HABP2: variants seen among roughly 807,000 people sequenced by gnomAD.
The protein encoded by HABP2 is factor VII-activating protease.
A neutral mutation model predicts 66.5 loss-of-function variants in HABP2; 65 were observed. That is an observed-to-expected ratio of 0.98 (90% CI 0.80 to 1.20). The LOEUF (loss-of-function observed/expected upper bound fraction) is 1.20, where lower values mean the gene tolerates loss of function less well. Ranked by LOEUF, HABP2 falls within the 50% of genes most tolerant of loss-of-function variation. The pLI, the probability that HABP2 is intolerant of heterozygous loss-of-function variation, is 0.00. For missense variants in HABP2, 786 were observed against 691.0 expected, an observed-to-expected ratio of 1.14 and a Z score of -1.54; for synonymous variants, 263 against 253.9, an observed-to-expected ratio of 1.04 and a Z score of -0.34.
rs918524805 is a variant in HABP2 at position 113,589,153 on chromosome 10, A to G, written c.*784A>G. 1 of 1,231,176 alleles carries G rather than the reference A, an allele frequency of 8.1e-7. No homozygotes were observed. The highest frequency in any genetic ancestry group is 1.2e-6 in the Non-Finnish European group (1 of 849,014). The allele number at this position is 1,231,176 out of a possible 1,614,324, so 76.3% of individuals were successfully genotyped here. A position where few individuals can be genotyped will look rare whatever the true frequency, so the allele number is the denominator to read the frequency against. ...CACTCCCGGCCCCGGTTCCCACAGGACACGCTAAGAAGCACAGGGAGCATT... is the reference window on the plus strand; with the variant it reads ...CACTCCCGGCCCCGGTTCCCACAGGGCACGCTAAGAAGCACAGGGAGCATT... On this transcript the variant is annotated 3_prime_UTR_variant, in exon 13 of 13. Coordinates refer to ENST00000351270, the MANE Select transcript of HABP2 (RefSeq NM_004132.5).
At chr10:113,585,288 C>T (rs938007317) in intron 11 of HABP2, among the ~76,000 whole-genome samples, 3 of 152,176 alleles carry the variant, frequency 2.0e-5, no homozygotes, top group Non-Finnish European at 4.4e-5. Flanking sequence ...AATTATTTTG[C>T]TTTTCATAAA....
intron 11 of HABP2, among the ~76,000 whole-genome samples, chr10:113,585,124 T>C (rs562871558): frequency 6.6e-6 from 1 of 152,340 alleles, no homozygotes; most frequent in African/African-American, 2.4e-5. Context: ...TTGAGAAAGA[T>C]GTCTGGCTAA....
In HABP2 at chr10:113,578,076, CG is replaced by C; in HGVS notation, c.501del (p.His168IlefsTer22). Reference sequence around the variant, plus strand: ...CTGCCAGAATGGGGCTACCTGCTCCCGGCATAAGCGGAGATCCAAGTTCACC... The same window carrying C: ...CTGCCAGAATGGGGCTACCTGCTCCCGCATAAGCGGAGATCCAAGTTCACC... ...NPCQNGATCS[R>X]HKRRSKFTCA... On this transcript the variant is annotated frameshift_variant, in exon 6 of 13. Coordinates refer to ENST00000351270, the MANE Select transcript of HABP2 (RefSeq NM_004132.5). LOFTEE classifies it high-confidence loss of function. 6.2e-7 allele frequency: 1 copy of C among 1,614,060 alleles called. No individual in the cohort carries two copies. Among genetic ancestry groups the C allele is most frequent in the Non-Finnish European group, 8.5e-7 (1 of 1,179,932 alleles).
chr10:113,580,399 A>G (rs1279991065), intron 7 of HABP2, among the ~76,000 whole-genome samples, 196 bp from the exon 8 acceptor site: 1 of 152,204 alleles, frequency 6.6e-6, no homozygotes. Flanking sequence ...ATTTTCCTCT[A>G]GAAGAAAAGA....
In HABP2 at chr10:113,588,252, C is replaced by CGTCT; in HGVS notation, c.1567_1570dup (p.Tyr524CysfsTer35). On this transcript the variant is annotated frameshift_variant, in exon 13 of 13. Transcript: ENST00000351270. LOFTEE classifies it high-confidence loss of function. Reference sequence around the variant, plus strand: ...CCTGTGAGAAGGACGGCACCTACTACGTCTATGGGATAGTGAGCTGGGGCC... The same window carrying CGTCT: ...CCTGTGAGAAGGACGGCACCTACTACGTCTGTCTATGGGATAGTGAGCTGGGGCC... 1 of 1,613,316 alleles carries CGTCT rather than the reference C, an allele frequency of 6.2e-7. No homozygotes were observed. The highest frequency in any genetic ancestry group is 8.5e-7 in the Non-Finnish European group (1 of 1,179,552).
chr10:113,582,015 A>G lies in HABP2; in HGVS notation c.978A>G (p.Pro326=), dbSNP rs759888407. The G allele has an allele frequency of 6.2e-7, 1 of 1,614,212 alleles. No individual in the cohort carries two copies. The highest frequency in any genetic ancestry group is 8.5e-7 in the Non-Finnish European group (1 of 1,180,028). Residue 326 remains proline (P), a synonymous_variant, in exon 9 of 13, where the codon CCA becomes CCG. Coordinates refer to ENST00000351270, the MANE Select transcript of HABP2 (RefSeq NM_004132.5). ...GGFKSTAGKH[P]WQASLQSSLP... is the part of the protein sequence containing the mutation. ...TTAAGAGCACGGCGGGCAAGCACCC[A>G]TGGCAGGCGTCCCTCCAGTCCTCGC... is the stretch of plus-strand genomic sequence containing the variant.
chr10:113,553,141 A>G lies in HABP2; in HGVS notation c.20A>G (p.Asp7Gly). The part of the protein sequence containing the change: MFARMS[D>G]LHVLLLMALV... ...GCAAAGATGTTTGCCAGGATGTCTGATCTCCATGTTCTGCTGTTAATGGCT... is the reference window on the plus strand; with the variant it reads ...GCAAAGATGTTTGCCAGGATGTCTGGTCTCCATGTTCTGCTGTTAATGGCT... Residue 7 changes from aspartate to glycine, a missense_variant, in exon 1 of 13, where the codon GAT becomes GGT. Asp to Gly is a moderately conservative substitution (Grantham distance 94, BLOSUM62 -1). Coordinates refer to ENST00000351270, the MANE Select transcript of HABP2 (RefSeq NM_004132.5). 6.2e-7 allele frequency: 1 copy of G among 1,613,624 alleles called. No homozygotes were observed. Among genetic ancestry groups the G allele is most frequent in the Non-Finnish European group, 8.5e-7 (1 of 1,179,538 alleles).
intron 1 of HABP2, among the ~76,000 whole-genome samples, chr10:113,562,123 A>T: frequency 6.6e-6 from 1 of 152,188 alleles, no homozygotes; most frequent in East Asian, 1.9e-4. Context: ...CAGTCGTTGG[A>T]TCTAGAATGG....
At position 113,576,084 on chromosome 10, in the gene HABP2, A is replaced by G. The variant is rs911709; in HGVS notation, c.331+80A>G. 796,413 of 800,784 alleles carry G rather than the reference A, an allele frequency of 0.99. 396,096 individuals are homozygous for G. The highest frequency in any genetic ancestry group is 1 in the East Asian group (41,298 of 41,300). The allele number at this position is 800,784 out of a possible 1,614,324, so 49.6% of individuals were successfully genotyped here. A position where few individuals can be genotyped will look rare whatever the true frequency, so the allele number is the denominator to read the frequency against. ...CTTTCTGTGTGAGAAAGCACTGCGC[A>G]ATGCCATGGAAAGGATTATAACTGC... On this transcript the variant is annotated intron_variant, in intron 4 of 12. Transcript: ENST00000351270.
At chr10:113,565,978 T>C (rs963837740) in intron 1 of HABP2, among the ~76,000 whole-genome samples, 2 of 152,244 alleles carry the variant, frequency 1.3e-5, no homozygotes, top group Non-Finnish European at 2.9e-5. Context: ...CAGTACATCA[T>C]ATCAGGATGC....
intron 1 of HABP2, among the ~76,000 whole-genome samples, chr10:113,563,528 C>T (rs1329654855): frequency 6.6e-6 from 1 of 152,132 alleles, no homozygotes; most frequent in Non-Finnish European, 1.5e-5. Flanking sequence ...TGACAGGCAG[C>T]CCAAGCTGCA....
Position 113,577,926 on chromosome 10 carries a change from A to T in HABP2, c.449-100A>T, listed in dbSNP as rs11575683. 0.071 allele frequency: 99,677 copies of T among 1,412,120 alleles called. 4,461 individuals are homozygous for T. Among genetic ancestry groups the T allele is most frequent in the East Asian group, 0.24 (10,275 of 43,498 alleles). 87.5% of individuals were successfully genotyped at this position (1,412,120 alleles called of 1,614,324 possible). A position where few individuals can be genotyped will look rare whatever the true frequency, so the allele number is the denominator to read the frequency against. ...CTGGTGACCCATCTTTCGCGAAAGG[A>T]TGGACACCAGTAGAATGCCACCAAT... is the stretch of plus-strand genomic sequence containing the variant. On this transcript the variant is annotated intron_variant, in intron 5 of 12. Coordinates refer to ENST00000351270, the MANE Select transcript of HABP2 (RefSeq NM_004132.5).
At chr10:113,569,431 G>A (rs1226889252) in intron 2 of HABP2, among the ~76,000 whole-genome samples, 1 of 152,222 alleles carries the variant, frequency 6.6e-6, no homozygotes, top group Non-Finnish European at 1.5e-5. Context: ...TGCTTTGATG[G>A]TATTTGTCAG....
chr10:113,558,430 G>C (rs1891767), intron 1 of HABP2, among the ~76,000 whole-genome samples: 147,221 of 152,346 alleles, frequency 0.97, 71,210 homozygotes, highest in East Asian at 1. Context: ...CATGCTAAAG[G>C]TCTGAGCCTG....
chr10:113,574,491 C>G lies in HABP2; in HGVS notation c.223+86C>G. The G allele has an allele frequency of 5.7e-6, 4 of 707,720 alleles. No homozygotes were observed. The South Asian group carries it at 6.7e-5, about 12-fold the overall frequency. 43.8% of individuals were successfully genotyped at this position (707,720 alleles called of 1,614,324 possible). ...GGACCACATGCAAGGGCCTCTCTCT[C>G]CGCCTCTCTGGCCAGTATTGTGAAA... On this transcript the variant is annotated intron_variant, in intron 3 of 12. Transcript: ENST00000351270.
At chr10:113,553,460 C>T (rs1254816204) in intron 1 of HABP2, among the ~76,000 whole-genome samples, 2 of 152,214 alleles carry the variant, frequency 1.3e-5, no homozygotes, top group African/African-American at 4.8e-5. Context: ...AAAATGTGCC[C>T]CAGGGCATGG....
rs759623695 is a variant in HABP2 at position 113,589,050 on chromosome 10, A to C, written c.*681A>C. The stretch of plus-strand genomic sequence containing the variant: ...CTGGGTTCACCTCCCCACTCTGATG[A>C]TCTCCAGCCTCCACTGCTTCTGCCC... On this transcript the variant is annotated 3_prime_UTR_variant, in exon 13 of 13. Transcript: ENST00000351270. The C allele has an allele frequency of 8.1e-6, 13 of 1,613,772 alleles. No individual in the cohort carries two copies. The highest frequency in any genetic ancestry group is 4.0e-5 in the African/African-American group (3 of 74,818).
chr10:113,557,168 C>T (rs1426132767), intron 1 of HABP2, among the ~76,000 whole-genome samples: 5 of 152,194 alleles, frequency 3.3e-5, no homozygotes, highest in African/African-American at 1.2e-4. Context: ...ATGGGAGCCA[C>T]TCTTTTCAAA....
chr10:113,588,089 C>T (rs561633885), intron 12 of HABP2, 116 bp from the exon 13 acceptor site: 35 of 717,884 alleles, frequency 4.9e-5, no homozygotes, highest in Admixed American at 2.9e-4. Context: ...GAGAAGCCCA[C>T]GGAGGCTGGC....
Sources: gnomAD v4.1 joint callset for allele counts (sites outside exome capture counted in the v4.1 genomes callset) on GRCh38, gnomAD v4.1.1 for gene constraint, MANE v1.5 for transcripts, NCBI Gene and HGNC (gene_info 2026-07-23, HGNC 2026-07-21) for gene names.